CNTNAP2: variants seen among roughly 807,000 people sequenced by gnomAD.
CNTNAP2 encodes contactin-associated protein-like 2.
Under a neutral mutation model 155.2 loss-of-function variants are expected in CNTNAP2, and 98 were observed. The ratio of observed to expected loss-of-function variants is 0.63; its 90% CI spans 0.54 to 0.75. The LOEUF (loss-of-function observed/expected upper bound fraction) is 0.75, where lower values mean the gene tolerates loss of function less well. CNTNAP2 is among the 30% of genes least tolerant of loss of function. The pLI is 0.00. For synonymous variants in CNTNAP2, 651 were observed against 631.2 expected (o/e 1.03, Z -0.47); for missense variants, 1,727 against 1,688.1 (o/e 1.02, Z -0.40).
chr7:148,272,545 T>C (rs1157700608), intron 21 of CNTNAP2, among the ~76,000 whole-genome samples: 4 of 152,124 alleles, frequency 2.6e-5, no homozygotes, highest in African/African-American at 9.7e-5. Context: ...TGATGGATTA[T>C]AAAAAGCATT....
chr7:146,495,934 G>A (rs568423110), intron 1 of CNTNAP2, among the ~76,000 whole-genome samples: 6 of 152,282 alleles, frequency 3.9e-5, no homozygotes, highest in Non-Finnish European at 5.9e-5. Flanking sequence ...GAGCAGCAAA[G>A]ATCTACTCAG....
At chr7:147,602,035 A>G (rs190878550) in intron 12 of CNTNAP2, among the ~76,000 whole-genome samples, 46 of 152,242 alleles carry the variant, frequency 3.0e-4, no homozygotes, top group Non-Finnish European at 4.4e-5. Flanking sequence ...ATAATATTTT[A>G]TAATTGTTGC....
At chr7:146,640,399 C>A (rs935467300) in intron 1 of CNTNAP2, among the ~76,000 whole-genome samples, 8 of 152,128 alleles carry the variant, frequency 5.3e-5, no homozygotes, top group African/African-American at 1.9e-4. Flanking sequence ...CACTGGAGAT[C>A]AATTGTCTGA....
At chr7:147,365,190 G>C (rs1009705316) in intron 9 of CNTNAP2, among the ~76,000 whole-genome samples, 3 of 151,694 alleles carry the variant, frequency 2.0e-5, no homozygotes, top group African/African-American at 7.3e-5. Flanking sequence ...AATCACCTGA[G>C]GTCAGGAGTT....
At chr7:147,268,246 C>T (rs1050211566) in intron 8 of CNTNAP2, among the ~76,000 whole-genome samples, 5 of 129,726 alleles carry the variant, frequency 3.9e-5, no homozygotes, top group Admixed American at 7.6e-5. Flanking sequence ...GACACTCATT[C>T]GACACTCATT....
At chr7:146,128,069 T>TCG (rs1797662515) in intron 1 of CNTNAP2, among the ~76,000 whole-genome samples, 1 of 152,176 alleles carries the variant, frequency 6.6e-6, no homozygotes, top group African/African-American at 2.4e-5. Context: ...GCGAAGCCTG[T>TCG]TTCAAATTTT....
intron 1 of CNTNAP2, among the ~76,000 whole-genome samples, chr7:146,754,201 C>G (rs1158447620): frequency 6.6e-6 from 1 of 151,974 alleles, no homozygotes; most frequent in Non-Finnish European, 1.5e-5. Context: ...AGAAGGTATA[C>G]TCAAATGCTA....
chr7:146,401,884 T>C (rs1232481511), intron 1 of CNTNAP2, among the ~76,000 whole-genome samples: 1 of 152,194 alleles, frequency 6.6e-6, no homozygotes, highest in Non-Finnish European at 1.5e-5. Context: ...GTCTGTTTTA[T>C]GCAAAAGAAA....
Position 146,116,892 on chromosome 7 carries a change from C to A in CNTNAP2, c.16C>A (p.Arg6Ser). The A allele has an allele frequency of 6.5e-7, 1 of 1,546,142 alleles. No homozygotes were observed. Among genetic ancestry groups the A allele is most frequent in the South Asian group, 1.2e-5 (1 of 84,016 alleles). The change falls in exon 1 of 24, where the codon CGC (arginine) becomes AGC (serine). Residue 6 changes from arginine (R) to serine (S), a missense_variant. Transcript: ENST00000361727. The surrounding 1 kb of genome is among the most constrained non-coding windows in gnomAD (Gnocchi z 5.5). ...GAGGCGAAGGATGCAGGCGGCTCCG[C>A]GCGCCGGCTGCGGGGCAGCGCTCCT... MQAAP[R>S]AGCGAALLLW...
At chr7:146,420,942 C>G (rs1196173658) in intron 1 of CNTNAP2, among the ~76,000 whole-genome samples, 2 of 151,982 alleles carry the variant, frequency 1.3e-5, no homozygotes, top group South Asian at 4.1e-4. Context: ...TCAGAATGCC[C>G]TGATAGTCAC....
In CNTNAP2 at chr7:146,573,218, C is replaced by T. The variant is rs571346038; in HGVS notation, c.98-201053C>T. Among the ~76,000 whole-genome samples the T allele has an allele frequency of 4.1e-3, 619 of 152,278 alleles. 1 individual carries two copies. The highest frequency in any genetic ancestry group is 6.0e-3 in the Non-Finnish European group (411 of 68,018). ...AGTGCAGTGGCACAATCTCGGCTCACTGCAGCCTCTGCCTCCCAGGTTCAA... is the reference window on the plus strand; with the variant it reads ...AGTGCAGTGGCACAATCTCGGCTCATTGCAGCCTCTGCCTCCCAGGTTCAA... On this transcript the variant is annotated intron_variant, in intron 1 of 23. Coordinates refer to ENST00000361727, the MANE Select transcript of CNTNAP2 (RefSeq NM_014141.6).
chr7:147,258,655 CAG>C (rs1240559595), intron 8 of CNTNAP2, among the ~76,000 whole-genome samples: 1 of 152,090 alleles, frequency 6.6e-6, no homozygotes, highest in Non-Finnish European at 1.5e-5. Context: ...AGTCGAAGAT[CAG>C]GGGTGCAAAT....
intron 13 of CNTNAP2, among the ~76,000 whole-genome samples, chr7:147,738,893 G>A (rs533926659): frequency 5.1e-4 from 77 of 152,158 alleles, no homozygotes; most frequent in African/African-American, 1.8e-3. Context: ...GACCTCAACT[G>A]GTCCATCTGC....
intron 11 of CNTNAP2, among the ~76,000 whole-genome samples, chr7:147,523,091 A>T (rs1799258884): frequency 6.6e-6 from 1 of 152,326 alleles, no homozygotes; most frequent in East Asian, 1.9e-4. Flanking sequence ...TCTCACAGTC[A>T]AGATGCAATC....
intron 13 of CNTNAP2, among the ~76,000 whole-genome samples, chr7:147,745,236 A>T (rs934832874): frequency 9.9e-5 from 15 of 152,248 alleles, no homozygotes; most frequent in African/African-American, 3.6e-4. Context: ...GTTTTAAGAC[A>T]TAAAAGAGCT....
chr7:146,991,156 C>T (rs1798201470), intron 3 of CNTNAP2, among the ~76,000 whole-genome samples: 1 of 151,848 alleles, frequency 6.6e-6, no homozygotes, highest in Non-Finnish European at 1.5e-5. Flanking sequence ...TTAGATCTAG[C>T]CCAGTCTGAA....
chr7:147,925,258 C>A (rs1024481437), intron 14 of CNTNAP2, among the ~76,000 whole-genome samples: 1 of 150,598 alleles, frequency 6.6e-6, no homozygotes, highest in African/African-American at 2.4e-5. Context: ...ACCCCCTACA[C>A]ATATAATGCA....
At chr7:147,176,320 T>G (rs2116488120) in intron 8 of CNTNAP2, among the ~76,000 whole-genome samples, 1 of 152,276 alleles carries the variant, frequency 6.6e-6, no homozygotes, top group South Asian at 2.1e-4. Flanking sequence ...AAGTTAGTAT[T>G]ATAGTTTTAA....
intron 1 of CNTNAP2, among the ~76,000 whole-genome samples, chr7:146,405,741 T>G (rs192866767): frequency 6.6e-6 from 1 of 152,378 alleles, no homozygotes; most frequent in Admixed American, 6.5e-5. Flanking sequence ...ACAAGGATTT[T>G]AATCTGATTC....
Sources: gnomAD v4.1 joint callset for allele counts (sites outside exome capture counted in the v4.1 genomes callset) on GRCh38, gnomAD v4.1.1 for gene constraint, Gnocchi (gnomAD v3.1) non-coding constraint, MANE v1.5 for transcripts, NCBI Gene and HGNC (gene_info 2026-07-23, HGNC 2026-07-21) for gene names.